Variants in GALNT10 observed in about 807,000 individuals in gnomAD.
The protein encoded by GALNT10 is GalNAc transferase 10.
GALNT10 carries 41 observed loss-of-function variants against 75.0 expected under a neutral mutation model. The ratio of observed to expected loss-of-function variants is 0.55; its 90% confidence interval spans 0.43 to 0.71. The LOEUF is 0.71. Among genes scored for constraint, GALNT10 ranks in the 30% least tolerant of loss-of-function variants. The probability of loss-of-function intolerance (pLI) is 0.00; values close to 1 mark genes in which losing one functional copy is unlikely to be tolerated. For missense variants in GALNT10, 727 were observed against 818.5 expected, an observed-to-expected ratio of 0.89 and a Z score of 1.36; for synonymous variants, 302 against 313.0, an observed-to-expected ratio of 0.96 and a Z score of 0.37.
intron 4 of GALNT10, among the ~76,000 whole-genome samples, chr5:154,367,642 C>G (rs994351379): frequency 2.0e-4 from 31 of 152,114 alleles, no homozygotes; most frequent in African/African-American, 7.0e-4. Flanking sequence ...ATCATGAGGT[C>G]GTGAGATCAA....
chr5:154,306,798 A>G (rs920387851), intron 3 of GALNT10, among the ~76,000 whole-genome samples: 1 of 152,182 alleles, frequency 6.6e-6, no homozygotes, highest in Non-Finnish European at 1.5e-5. Context: ...TGAGATTTCA[A>G]CACCTCTGTC....
At chr5:154,200,387 AG>A (rs1168352937) in intron 1 of GALNT10, among the ~76,000 whole-genome samples, 1 of 152,156 alleles carries the variant, frequency 6.6e-6, no homozygotes, top group Non-Finnish European at 1.5e-5. Context: ...AGGGGCCGAC[AG>A]GGGCTCCTGG....
At chr5:154,293,357 T>C (rs1192175105) in intron 1 of GALNT10, among the ~76,000 whole-genome samples, 1 of 152,146 alleles carries the variant, frequency 6.6e-6, no homozygotes, top group Non-Finnish European at 1.5e-5. Flanking sequence ...ATGGAAGATA[T>C]GTAAGTAGCT....
chr5:154,344,323 T>C (rs1407481801), intron 4 of GALNT10, among the ~76,000 whole-genome samples: 1 of 151,560 alleles, frequency 6.6e-6, no homozygotes, highest in Non-Finnish European at 1.5e-5. Flanking sequence ...GTGATTCTCC[T>C]GCCTCAGCCT....
chr5:154,193,651 C>T (rs1178858166), intron 1 of GALNT10, among the ~76,000 whole-genome samples: 1 of 152,214 alleles, frequency 6.6e-6, no homozygotes, highest in Admixed American at 6.5e-5. Flanking sequence ...GGAAGTCTGA[C>T]AGGACTTTAT....
chr5:154,374,758 T>C lies in GALNT10; in HGVS notation c.569-1519T>C, dbSNP rs184481841. On this transcript the variant is annotated intron_variant, in intron 4 of 11. Transcript: ENST00000297107. The stretch of plus-strand genomic sequence containing the variant: ...TTCTCTTTTCAATTCTTTTTCATTC[T>C]TCTGATCACCTCAAATGAGGAGCCT... 2.0e-3 allele frequency among the ~76,000 whole-genome samples: 298 copies of C among 151,268 alleles called. 2 individuals are homozygous for C. Among genetic ancestry groups the C allele is most frequent in the African/African-American group, 6.8e-3 (281 of 41,256 alleles).
intron 4 of GALNT10, chr5:154,337,475 C>A (rs933982153): frequency 9.8e-6 from 7 of 716,430 alleles, no homozygotes; most frequent in Admixed American, 1.8e-5. Context: ...ATTAAAATCT[C>A]CTGCCACTGC....
At chr5:154,196,269 T>A (rs1431750259) in intron 1 of GALNT10, among the ~76,000 whole-genome samples, 1 of 152,184 alleles carries the variant, frequency 6.6e-6, no homozygotes, top group Non-Finnish European at 1.5e-5. Flanking sequence ...AAATTTAAGG[T>A]GGCAAAGGGA....
chr5:154,293,613 A>ATATATTTTT, intron 1 of GALNT10, among the ~76,000 whole-genome samples: 3 of 109,360 alleles, frequency 2.7e-5, no homozygotes, highest in African/African-American at 1.3e-4. Flanking sequence ...ATATATATAT[A>ATATATTTTT]TTTTTTTTTT....
At position 154,402,963 on chromosome 5, in the gene GALNT10, G is replaced by A. The variant is rs908064904; in HGVS notation, c.1057-1141G>A. 1 of 152,452 alleles carries A rather than the reference G, an allele frequency of 6.6e-6. No individual in the cohort carries two copies. The highest frequency in any genetic ancestry group is 2.4e-5 in the African/African-American group (1 of 41,464). The allele number at this position is 152,452 out of a possible 1,614,324, so 9.4% of individuals were successfully genotyped here. ...GGCATCTACACAGGGGCACAAATAC[G>A]AGGAGGCAGGGATTGTGAGGCCACT... On this transcript the variant is annotated intron_variant, in intron 7 of 11. Transcript: ENST00000297107. This position sits in a 1 kb window ranked among gnomAD's most constrained non-coding sequence, Gnocchi z 4.2.
chr5:154,217,526 C>A (rs534365141), intron 1 of GALNT10, among the ~76,000 whole-genome samples: 1 of 152,268 alleles, frequency 6.6e-6, no homozygotes, highest in Admixed American at 6.5e-5. Context: ...TTTAGTACCG[C>A]GTCCCTGTCT....
chr5:154,305,913 G>A (rs113184832), intron 3 of GALNT10, among the ~76,000 whole-genome samples: 2,979 of 152,216 alleles, frequency 0.02, 41 homozygotes, highest in Non-Finnish European at 0.029. Flanking sequence ...AACTACTCAG[G>A]AAGGTGAAGC....
intron 5 of GALNT10, among the ~76,000 whole-genome samples, chr5:154,379,732 A>AC (rs1460327182): frequency 6.6e-6 from 1 of 151,188 alleles, no homozygotes; most frequent in Non-Finnish European, 1.5e-5. Context: ...CTAAGTCAAG[A>AC]CCCCCCATTT....
At chr5:154,319,437 T>C (rs545914898) in intron 3 of GALNT10, among the ~76,000 whole-genome samples, 32 of 152,380 alleles carry the variant, frequency 2.1e-4, no homozygotes, top group African/African-American at 7.7e-4. Context: ...TTAAAAAATA[T>C]TATTTTAAAT....
At chr5:154,380,716 T>A in intron 6 of GALNT10, 85 bp downstream of exon 6, 1 of 899,794 alleles carries the variant, frequency 1.1e-6, no homozygotes, top group Non-Finnish European at 1.7e-6. Flanking sequence ...GCCATCTCCC[T>A]TAAAAGCCCA....
chr5:154,266,540 A>G (rs1753776685), intron 1 of GALNT10, among the ~76,000 whole-genome samples: 1 of 150,706 alleles, frequency 6.6e-6, no homozygotes, highest in Non-Finnish European at 1.5e-5. Context: ...CCAACAATCT[A>G]CAGTCAGGGA....
chr5:154,298,025 A>T lies in GALNT10; in HGVS notation c.347A>T (p.Tyr116Phe). 6.2e-7 allele frequency: 1 copy of T among 1,613,230 alleles called. No individual in the cohort carries two copies. Among genetic ancestry groups the T allele is most frequent in the Non-Finnish European group, 8.5e-7 (1 of 1,179,136 alleles). The part of the protein sequence containing the change: ...QAYRENGFNI[Y>F]VSDKISLNRS... Reference sequence around the variant, plus strand: ...TACCGAGAAAATGGATTTAACATCTACGTCAGTGATAAAATCTCCTTGAAT... The same window carrying T: ...TACCGAGAAAATGGATTTAACATCTTCGTCAGTGATAAAATCTCCTTGAAT... The change falls in exon 3 of 12, where the codon TAC becomes TTC. Residue 116 changes from tyrosine to phenylalanine, a missense_variant. Coordinates refer to ENST00000297107, the MANE Select transcript of GALNT10 (RefSeq NM_198321.4). This position sits in a 1 kb window ranked among gnomAD's most constrained non-coding sequence, Gnocchi z 4.1.
intron 1 of GALNT10, among the ~76,000 whole-genome samples, chr5:154,208,198 A>C (rs1775139175): frequency 6.6e-6 from 1 of 152,196 alleles, no homozygotes; most frequent in Non-Finnish European, 1.5e-5. Context: ...AGCACTTGAC[A>C]TTCTAAGAGA....
In GALNT10 at chr5:154,357,024, T is replaced by G. The variant is rs80061776; in HGVS notation, c.569-19253T>G. Among the ~76,000 whole-genome samples, 1,081 of 152,352 alleles carry G rather than the reference T, an allele frequency of 7.1e-3. 14 individuals are homozygous for G. The highest frequency in any genetic ancestry group is 0.025 in the African/African-American group (1,027 of 41,582). ...AGACAGAAACTTTGGTTTCTTTGAT[T>G]AGTATTTCTTAGATACATTCCCGGG... On this transcript the variant is annotated intron_variant, in intron 4 of 11. Coordinates refer to ENST00000297107, the MANE Select transcript of GALNT10 (RefSeq NM_198321.4).
Sources: gnomAD v4.1 joint callset for allele counts (sites outside exome capture counted in the v4.1 genomes callset) on GRCh38, gnomAD v4.1.1 for gene constraint, Gnocchi (gnomAD v3.1) non-coding constraint, MANE v1.5 for transcripts, NCBI Gene and HGNC (gene_info 2026-07-23, HGNC 2026-07-21) for gene names.